Variants in SORBS2 observed in about 807,000 individuals in gnomAD.
The protein encoded by SORBS2 is sorbin and SH3 domain containing 2, also known as sorbin and SH3 domain-containing protein 2.
In SORBS2, 46 loss-of-function variants were observed where a neutral mutation model predicts 97.7. That is an observed-to-expected ratio of 0.47 (90% CI 0.37 to 0.60). The LOEUF is 0.60. Ranked by LOEUF, SORBS2 falls within the 20% of genes least tolerant of loss-of-function variation. The pLI is 0.00. For synonymous variants in SORBS2, 476 were observed against 473.4 expected (o/e 1.01, Z -0.07); for missense variants, 1,316 against 1,282.3 (o/e 1.03, Z -0.40).
Position 185,688,717 on chromosome 4 carries a change from A to G in SORBS2, c.-197-9895T>C, listed in dbSNP as rs1016939949. ...ACTTCATTTTGTAAACACAGTAACA[A>G]TGCTTTCAAATTCCTAAGGCAATAT... On this transcript the variant is annotated intron_variant, in intron 2 of 20. Coordinates refer to the SORBS2 transcript ENST00000284776. Among the ~76,000 whole-genome samples the G allele has an allele frequency of 2.0e-5, 3 of 152,122 alleles. No individual in the cohort carries two copies. The East Asian group carries it at 5.8e-4, about 29-fold the overall frequency.
Position 185,932,627 on chromosome 4 carries a change from C to T in SORBS2, c.-338+23569G>A, listed in dbSNP as rs562311069. Among the ~76,000 whole-genome samples, 353 of 152,178 alleles carry T rather than the reference C, an allele frequency of 2.3e-3. 1 individual carries two copies. Among genetic ancestry groups the T allele is most frequent in the African/African-American group, 7.9e-3 (330 of 41,538 alleles). The stretch of plus-strand genomic sequence containing the variant: ...AAATATGAAGAGAACAGAGAGTTGC[C>T]GGAATGCAATGTCACTGCATTGCAG... On this transcript the variant is annotated intron_variant, in intron 1 of 20. Coordinates refer to the SORBS2 transcript ENST00000284776.
At chr4:185,621,541 T>C (rs2096719992) in intron 7 of SORBS2, among the ~76,000 whole-genome samples, 1 of 152,230 alleles carries the variant, frequency 6.6e-6, no homozygotes, top group East Asian at 1.9e-4. Flanking sequence ...TTTCAATTAG[T>C]GAAAATTTTG....
intron 12 of SORBS2, among the ~76,000 whole-genome samples, chr4:185,611,411 A>G (rs1402409685): frequency 1.3e-5 from 2 of 151,488 alleles, no homozygotes; most frequent in Non-Finnish European, 2.9e-5. Context: ...ATTATATTAT[A>G]TACATAAAAT....
chr4:185,694,352 G>A (rs984097560), intron 2 of SORBS2, among the ~76,000 whole-genome samples: 3 of 152,192 alleles, frequency 2.0e-5, no homozygotes, highest in Non-Finnish European at 2.9e-5. Flanking sequence ...AACCAGGGAC[G>A]AGACTATGAG....
intron 1 of SORBS2, among the ~76,000 whole-genome samples, chr4:185,817,606 A>G (rs560967449): frequency 4.7e-4 from 72 of 152,190 alleles, no homozygotes; most frequent in South Asian, 8.3e-4. Flanking sequence ...CACCCTACCC[A>G]GTGCAGAAAA....
At chr4:185,589,182 T>TG (rs2095862283) in intron 14 of SORBS2, 1 of 152,388 alleles carries the variant, frequency 6.6e-6, no homozygotes, top group Non-Finnish European at 1.5e-5. Context: ...GCCTTTTAAG[T>TG]GGGAAGAATG....
At chr4:185,954,659 T>G (rs1048205251) in intron 1 of SORBS2, among the ~76,000 whole-genome samples, 2 of 152,194 alleles carry the variant, frequency 1.3e-5, no homozygotes, top group Non-Finnish European at 1.5e-5. Context: ...ATGTTGGCTA[T>G]TAAAGATAGA....
At chr4:185,665,095 C>T (rs915609321) in intron 4 of SORBS2, among the ~76,000 whole-genome samples, 3 of 151,926 alleles carry the variant, frequency 2.0e-5, no homozygotes, top group African/African-American at 7.3e-5. Flanking sequence ...TATTGATAAA[C>T]AAAATAAAAA....
intron 1 of SORBS2, among the ~76,000 whole-genome samples, chr4:185,928,946 A>T (rs2099265108): frequency 6.6e-6 from 1 of 152,234 alleles, no homozygotes; most frequent in African/African-American, 2.4e-5. Context: ...TAGAGGGCGT[A>T]TGCCTTACAT....
chr4:185,636,807 C>T (rs377269647), intron 4 of SORBS2, among the ~76,000 whole-genome samples: 2 of 152,170 alleles, frequency 1.3e-5, no homozygotes, highest in South Asian at 4.1e-4. Context: ...CGCCACCATG[C>T]CCAACTAATG....
chr4:185,678,842 T>G lies in SORBS2; in HGVS notation c.-197-20A>C. The G allele has an allele frequency of 7.1e-7, 1 of 1,410,444 alleles. No individual in the cohort carries two copies. The highest frequency in any genetic ancestry group is 9.4e-7 in the Non-Finnish European group (1 of 1,061,224). 87.4% of individuals were successfully genotyped at this position (1,410,444 alleles called of 1,614,324 possible). On this transcript the variant is annotated intron_variant, in intron 2 of 20. Coordinates refer to the SORBS2 transcript ENST00000284776. ...CACGCCCTGAAAGAAAAAAAAATGT[T>G]GAAATTAAGACTAAGGTGAAATAAA...
intron 2 of SORBS2, 68 bp downstream of exon 11, chr4:185,651,716 G>T: frequency 1.2e-6 from 1 of 864,100 alleles, no homozygotes; most frequent in South Asian, 1.4e-5. Flanking sequence ...GAAAAAAGGT[G>T]ACCGTGTCGT....
At chr4:185,914,965 T>A (rs66547080) in intron 1 of SORBS2, among the ~76,000 whole-genome samples, 47,252 of 152,062 alleles carry the variant, frequency 0.31, 7,475 homozygotes, top group Middle Eastern at 0.36. Context: ...ATTTTTTCCA[T>A]CTCCTTCAGT....
chr4:185,593,582 C>T (rs532499663), intron 13 of SORBS2: 12 of 330,624 alleles, frequency 3.6e-5, no homozygotes, highest in Admixed American at 2.3e-4. Flanking sequence ...CGCAGTTACT[C>T]GTTACACAGC....
intron 2 of SORBS2, among the ~76,000 whole-genome samples, chr4:185,701,610 A>G (rs537640604): frequency 1.4e-4 from 21 of 152,318 alleles, no homozygotes; most frequent in African/African-American, 3.8e-4. Context: ...GTTTGAGTGG[A>G]GTGATCGCTT....
At chr4:185,914,970 T>C (rs1047745724) in intron 1 of SORBS2, among the ~76,000 whole-genome samples, 3 of 152,194 alleles carry the variant, frequency 2.0e-5, no homozygotes, top group Non-Finnish European at 2.9e-5. Context: ...TTCCATCTCC[T>C]TCAGTGGTGA....
At chr4:185,696,326 T>C (rs924784607) in intron 2 of SORBS2, among the ~76,000 whole-genome samples, 2 of 152,212 alleles carry the variant, frequency 1.3e-5, no homozygotes, top group African/African-American at 4.8e-5. Context: ...CTAAAGACTT[T>C]ACTGATTAGA....
intron 4 of SORBS2, among the ~76,000 whole-genome samples, chr4:185,676,349 GA>G (rs1234076899): frequency 3.9e-5 from 6 of 152,210 alleles, no homozygotes; most frequent in Non-Finnish European, 2.9e-5. Context: ...GTCAAAAAGA[GA>G]AGCACATTTC....
At chr4:185,863,102 C>T (rs755296234) in intron 1 of SORBS2, among the ~76,000 whole-genome samples, 16 of 152,098 alleles carry the variant, frequency 1.1e-4, no homozygotes, top group Admixed American at 1.3e-4. Context: ...TTAAGGTATA[C>T]CATGCTAATT....
Sources: gnomAD v4.1 joint callset for allele counts (sites outside exome capture counted in the v4.1 genomes callset) on GRCh38, gnomAD v4.1.1 for gene constraint, MANE v1.5 for transcripts, NCBI Gene and HGNC (gene_info 2026-07-23, HGNC 2026-07-21) for gene names.